STAC3: variants seen among roughly 807,000 people sequenced by gnomAD.
STAC3 encodes SH3 and cysteine-rich domain-containing protein 3.
STAC3 carries 30 observed loss-of-function variants against 48.5 expected under a neutral mutation model. The observed-to-expected ratio is 0.62, with a 90% confidence interval of 0.46 to 0.84. STAC3 has a LOEUF of 0.84. Ranked by LOEUF, STAC3 falls within the 40% of genes least tolerant of loss-of-function variation. STAC3 has a pLI of 0.00. For synonymous variants in STAC3, 144 were observed against 158.6 expected, an observed-to-expected ratio of 0.91 and a Z score of 0.69; for missense variants, 419 against 462.6, an observed-to-expected ratio of 0.91 and a Z score of 0.86.
chr12:57,250,834 G>A (rs978560815), intron 1 of STAC3, among the ~76,000 whole-genome samples, 159 bp downstream of exon 1: 7 of 33,922 alleles, frequency 2.1e-4, no homozygotes, highest in East Asian at 9.0e-4. Flanking sequence ...CCCACCCCCC[G>A]CTTCAATCCA....
At chr12:57,247,419 ATTATTATTATTTTTT>A (rs2037771148) in intron 5 of STAC3, among the ~76,000 whole-genome samples, 1 of 88,670 alleles carries the variant, frequency 1.1e-5, no homozygotes, top group Non-Finnish European at 2.2e-5. Flanking sequence ...TATTATTATT[ATTATTATTATTTTTT>A]TTTTTTTTTT....
At chr12:57,247,714 C>T (rs1244138020) in intron 5 of STAC3, among the ~76,000 whole-genome samples, 2 of 152,088 alleles carry the variant, frequency 1.3e-5, no homozygotes, top group Non-Finnish European at 1.5e-5. Context: ...TGAGCCACCG[C>T]GCCCGGCCTG....
In STAC3 at chr12:57,244,215, C is replaced by T. The variant is rs1275722957; in HGVS notation, c.869G>A (p.Gly290Glu). 6.2e-7 allele frequency: 1 copy of T among 1,614,168 alleles called. No homozygotes were observed. Among genetic ancestry groups the T allele is most frequent in the East Asian group, 2.2e-5 (1 of 44,864 alleles). ...SNEEWWRGKI[G>E]EKVGFFPPNF... ...TGGAGGGAAAAATCCGACCTTCTCC[C>T]CGATTTTCCCCTAGGGAAGATAGTA... The change falls in exon 11 of 12, where the codon GGG (glycine) becomes GAG (glutamate). Residue 290 changes from glycine (G) to glutamate (E), a missense_variant. Transcript: ENST00000332782.
intron 6 of STAC3, 145 bp from the exon 7 acceptor site, chr12:57,245,356 C>T (rs2037711243): frequency 2.8e-6 from 2 of 708,914 alleles, no homozygotes; most frequent in Non-Finnish European, 4.6e-6. Flanking sequence ...CTAGTTCAGC[C>T]ATCTGCCTAA....
Position 57,248,211 on chromosome 12 carries a change from A to AT in STAC3, c.433-14dup. ...GGAAACCAGGTGGCTGTAGGATGGG[A>AT]TGAGAGGAAGCATTAGAGGTAGCAA... On this transcript the variant is annotated splice_polypyrimidine_tract_variant and intron_variant, in intron 4 of 11. Coordinates refer to ENST00000332782, the MANE Select transcript of STAC3 (RefSeq NM_145064.3). 6.2e-7 allele frequency: 1 copy of AT among 1,609,330 alleles called. No individual in the cohort carries two copies. The highest frequency in any genetic ancestry group is 1.1e-5 in the South Asian group (1 of 91,012).
At chr12:57,247,422 A>T (rs12371316) in intron 5 of STAC3, among the ~76,000 whole-genome samples, 1,898 of 68,036 alleles carry the variant, frequency 0.028, 107 homozygotes, top group African/African-American at 0.1. Flanking sequence ...TATTATTATT[A>T]TTATTATTTT....
At chr12:57,249,986 T>C (rs984348194) in intron 1 of STAC3, among the ~76,000 whole-genome samples, 1 of 152,200 alleles carries the variant, frequency 6.6e-6, no homozygotes, top group African/African-American at 2.4e-5. Flanking sequence ...GCTCAAGCAA[T>C]CTTCCTGTTT....
chr12:57,246,286 G>C (rs2037738155), intron 6 of STAC3, among the ~76,000 whole-genome samples: 1 of 151,850 alleles, frequency 6.6e-6, no homozygotes. Context: ...ATATCAACAA[G>C]TTTGAGGCCA....
Position 57,244,503 on chromosome 12 carries a change from C to T in STAC3, c.806+34G>A, listed in dbSNP as rs201172570. Reference sequence around the variant, plus strand: ...GAACCCAGCTCTTTCCTCTTCACTCCGCAGTACCAGCCCCCTGCCCCAAGG... The same window carrying T: ...GAACCCAGCTCTTTCCTCTTCACTCTGCAGTACCAGCCCCCTGCCCCAAGG... On this transcript the variant is annotated intron_variant, in intron 9 of 11. Transcript: ENST00000332782. 9.1e-5 allele frequency: 147 copies of T among 1,613,516 alleles called. 1 individual carries two copies. In the East Asian group the frequency reaches 3.0e-3, roughly 33 times the overall value.
At chr12:57,250,389 C>CAAAA (rs58777318) in intron 1 of STAC3, among the ~76,000 whole-genome samples, 7 of 42,406 alleles carry the variant, frequency 1.7e-4, no homozygotes, top group Admixed American at 3.7e-4. Context: ...GACTTCGTCT[C>CAAAA]AAAAAAAAAA....
chr12:57,246,521 G>C (rs1003773907), intron 6 of STAC3, among the ~76,000 whole-genome samples: 1 of 151,606 alleles, frequency 6.6e-6, no homozygotes, highest in Admixed American at 6.6e-5. Flanking sequence ...GATTACAAGC[G>C]AGCACCACCA....
intron 6 of STAC3, 113 bp from the exon 7 acceptor site, chr12:57,245,324 G>A: frequency 1.0e-6 from 1 of 980,104 alleles, no homozygotes; most frequent in South Asian, 1.5e-5. Flanking sequence ...CTCAGAGTTG[G>A]AAGAGGCCTT....
rs1370063540 is a variant in STAC3, at chr12:57,249,028, C to T, written c.334+13G>A. On this transcript the variant is annotated intron_variant, in intron 3 of 11. Transcript: ENST00000332782. ...TCAATATCATACTCTCTTCACTTCC[C>T]TTCATGACTCACGAACAATCATCCG... 14 of 1,578,744 alleles carry T rather than the reference C, an allele frequency of 8.9e-6. No homozygotes were observed. The highest frequency in any genetic ancestry group is 1.2e-5 in the Non-Finnish European group (14 of 1,161,424).
rs773050511 is a variant in STAC3, at chr12:57,244,576, TAGAG to T, written c.763_766del (p.Leu255IlefsTer58). 5 of 1,614,074 alleles carry T rather than the reference TAGAG, an allele frequency of 3.1e-6. No homozygotes were observed. The African/African-American group carries it at 4.0e-5, about 13-fold the overall frequency. ...GTCCTTCTCCAGGGCTTTGAACCGATAGAGAGCCACAAAGTAATGAGACTGCTGG... is the reference window on the plus strand; with the variant it reads ...GTCCTTCTCCAGGGCTTTGAACCGATAGCCACAAAGTAATGAGACTGCTGG... On this transcript the variant is annotated frameshift_variant, in exon 9 of 12. Transcript: ENST00000332782. LOFTEE classifies it high-confidence loss of function.
chr12:57,246,026 T>C (rs1460702801), intron 6 of STAC3, among the ~76,000 whole-genome samples: 1 of 149,404 alleles, frequency 6.7e-6, no homozygotes, highest in African/African-American at 2.5e-5. Context: ...GGATAATCGC[T>C]TGGACCCGGG....
chr12:57,244,932 T>C lies in STAC3; in HGVS notation c.704A>G (p.Lys235Arg). ...GATTCTTACCTTGTCATCAGGTGTC[T>C]TCTTCTCAGCCTTCTTATCCCCTTC... Reference protein sequence around the residue: ...NPEGDKKAEKKTPDDKHKQPG... With the variant: ...NPEGDKKAEKRTPDDKHKQPG... Residue 235 changes from lysine to arginine, a missense_variant, in exon 8 of 12, where the codon AAG becomes AGG. By Grantham distance (26) the Lys-to-Arg change is conservative. Transcript: ENST00000332782. 1.2e-6 allele frequency: 2 copies of C among 1,614,194 alleles called. No homozygotes were observed. The highest frequency in any genetic ancestry group is 1.1e-5 in the South Asian group (1 of 91,088).
Position 57,243,554 on chromosome 12 carries a change from T to G in STAC3, c.*258A>C. 4.4e-6 allele frequency: 2 copies of G among 456,172 alleles called. No individual in the cohort carries two copies. Among genetic ancestry groups the G allele is most frequent in the African/African-American group, 4.2e-5 (2 of 47,696 alleles). 28.3% of individuals were successfully genotyped at this position (456,172 alleles called of 1,614,324 possible). On this transcript the variant is annotated 3_prime_UTR_variant, in exon 12 of 12. Transcript: ENST00000332782. ...CCAGTCCCTGGCTCCTCCTAGTAGA[T>G]ACGCGTTTTTTTCCAGCTCTTGCAA...
Position 57,248,861 on chromosome 12 carries a change from C to T in STAC3, c.335-58G>A. 1.3e-6 allele frequency: 2 copies of T among 1,538,720 alleles called. 1 individual carries two copies. The highest frequency in any genetic ancestry group is 2.2e-5 in the South Asian group (2 of 89,048). On this transcript the variant is annotated intron_variant, in intron 3 of 11. Coordinates refer to ENST00000332782, the MANE Select transcript of STAC3 (RefSeq NM_145064.3). Reference sequence around the variant, plus strand: ...TCCAGATTGCCCTTTCCCTTTGTACCACTGCTGCTACTCTTAGGTTTCCTT... The same window carrying T: ...TCCAGATTGCCCTTTCCCTTTGTACTACTGCTGCTACTCTTAGGTTTCCTT...
At position 57,249,055 on chromosome 12, in the gene STAC3, G is replaced by A. The variant is rs1487316158; in HGVS notation, c.320C>T (p.Ala107Val). 1.9e-6 allele frequency: 3 copies of A among 1,595,968 alleles called. No homozygotes were observed. Among genetic ancestry groups the A allele is most frequent in the Non-Finnish European group, 2.6e-6 (3 of 1,170,382 alleles). The change falls in exon 3 of 12, where the codon GCC becomes GTC. Residue 107 changes from alanine (A) to valine (V), a missense_variant. Coordinates refer to ENST00000332782, the MANE Select transcript of STAC3 (RefSeq NM_145064.3). Reference protein sequence around the residue: ...FKKPKFCDVCARMIVLNNKFG... With the variant: ...FKKPKFCDVCVRMIVLNNKFG... Reference sequence around the variant, plus strand: ...TCATGACTCACGAACAATCATCCGGGCACAGACATCACAGAACTTTGGCTT... The same window carrying A: ...TCATGACTCACGAACAATCATCCGGACACAGACATCACAGAACTTTGGCTT...
Sources: allele counts gnomAD v4.1 joint callset (sites outside exome capture counted in the v4.1 genomes callset), GRCh38; gene constraint gnomAD v4.1.1; transcripts MANE v1.5; gene names NCBI Gene and HGNC (gene_info 2026-07-23, HGNC 2026-07-21).